Variants in FGF14 observed in about 807,000 individuals in gnomAD.
FGF14 encodes fibroblast growth factor 14.
FGF14 carries 5 observed loss-of-function variants against 25.5 expected under a neutral mutation model. That is an observed-to-expected ratio of 0.20 (90% CI 0.10 to 0.41). The LOEUF (loss-of-function observed/expected upper bound fraction) is 0.41, where lower values mean the gene tolerates loss of function less well. Ranked by LOEUF, FGF14 falls within the 10% of genes least tolerant of loss-of-function variation. The pLI is 1.00. For missense variants in FGF14, 222 were observed against 320.1 expected (o/e 0.69, Z 2.34); for synonymous variants, 138 against 118.3 (o/e 1.17, Z -1.08).
chr13:101,927,021 T>C (rs540857998), intron 1 of FGF14, among the ~76,000 whole-genome samples: 1 of 152,298 alleles, frequency 6.6e-6, no homozygotes, highest in African/African-American at 2.4e-5. Flanking sequence ...TATTTTTAAA[T>C]AAACAAGTTT....
intron 1 of FGF14, among the ~76,000 whole-genome samples, chr13:102,078,606 C>T (rs763314169): frequency 9.2e-5 from 14 of 152,126 alleles, no homozygotes; most frequent in Non-Finnish European, 2.1e-4. Flanking sequence ...GCTTCTCATC[C>T]AACTGCACTA....
At chr13:102,167,884 T>C in intron 1 of FGF14, among the ~76,000 whole-genome samples, 1 of 151,868 alleles carries the variant, frequency 6.6e-6, no homozygotes, top group Non-Finnish European at 1.5e-5. Flanking sequence ...TAATGTAACC[T>C]TTAGGTGATG....
At chr13:102,241,726 C>T (rs2051612173) in intron 1 of FGF14, among the ~76,000 whole-genome samples, 1 of 152,078 alleles carries the variant, frequency 6.6e-6, no homozygotes, top group African/African-American at 2.4e-5. Context: ...GAGCCATCCA[C>T]TTAATGAAGA....
intron 1 of FGF14, among the ~76,000 whole-genome samples, chr13:102,062,210 A>C (rs1329058778): frequency 2.6e-5 from 4 of 152,202 alleles, no homozygotes; most frequent in African/African-American, 9.7e-5. Context: ...AATGCAAATG[A>C]TTTAAACATG....
At chr13:102,239,108 C>A (rs1054174014) in intron 1 of FGF14, among the ~76,000 whole-genome samples, 1 of 151,776 alleles carries the variant, frequency 6.6e-6, no homozygotes, top group Non-Finnish European at 1.5e-5. Context: ...AAACAAAAAA[C>A]GGTAAATGAC....
chr13:101,801,173 C>A (rs760772791), intron 3 of FGF14, among the ~76,000 whole-genome samples: 18 of 152,056 alleles, frequency 1.2e-4, no homozygotes, highest in South Asian at 6.2e-4. Context: ...GTGATTGAAA[C>A]CTGAACAGAA....
chr13:102,222,903 T>G (rs375581007), intron 1 of FGF14, among the ~76,000 whole-genome samples: 15 of 152,116 alleles, frequency 9.9e-5, no homozygotes, highest in African/African-American at 3.6e-4. Flanking sequence ...AGGCCTCCAT[T>G]AACGCAGCCC....
chr13:102,237,951 C>T (rs34563519), intron 1 of FGF14, among the ~76,000 whole-genome samples: 1,603 of 152,182 alleles, frequency 0.011, 14 homozygotes, highest in Non-Finnish European at 0.018. Context: ...CACATATTAC[C>T]TAAATAGTCA....
At chr13:102,213,163 T>C (rs1181599396) in intron 1 of FGF14, among the ~76,000 whole-genome samples, 2 of 152,180 alleles carry the variant, frequency 1.3e-5, no homozygotes, top group Admixed American at 6.5e-5. Flanking sequence ...AATTTCAGGA[T>C]CAGTATACAT....
intron 1 of FGF14, among the ~76,000 whole-genome samples, chr13:101,904,523 T>A (rs1317733693): frequency 1.3e-5 from 2 of 152,200 alleles, no homozygotes; most frequent in Non-Finnish European, 2.9e-5. Context: ...TTTCCTTTTT[T>A]AAAAAGTGAA....
At chr13:101,777,116 T>C (rs1420292535) in intron 3 of FGF14, among the ~76,000 whole-genome samples, 1 of 152,192 alleles carries the variant, frequency 6.6e-6, no homozygotes, top group Non-Finnish European at 1.5e-5. Context: ...GACTGCTTTA[T>C]TCCCCCAAAA....
At chr13:102,095,055 A>AAG (rs2044328096) in intron 1 of FGF14, among the ~76,000 whole-genome samples, 3 of 152,168 alleles carry the variant, frequency 2.0e-5, no homozygotes, top group Non-Finnish European at 4.4e-5. Context: ...ATACCATTGG[A>AAG]GATACCGTCA....
At chr13:101,749,876 C>T (rs1471635198) in intron 3 of FGF14, among the ~76,000 whole-genome samples, 6 of 152,032 alleles carry the variant, frequency 3.9e-5, no homozygotes, top group African/African-American at 1.4e-4. Flanking sequence ...TTGTGTCCCT[C>T]CCCAAAATTA....
chr13:101,898,112 A>G (rs1367535845), intron 1 of FGF14, among the ~76,000 whole-genome samples: 1 of 151,902 alleles, frequency 6.6e-6, no homozygotes, highest in African/African-American at 2.4e-5. Context: ...CCAGGCTGGT[A>G]TTGAACTCCT....
chr13:102,003,893 C>T (rs74108959), intron 1 of FGF14, among the ~76,000 whole-genome samples: 1 of 152,060 alleles, frequency 6.6e-6, no homozygotes, highest in Non-Finnish European at 1.5e-5. Context: ...ATCGAAGACA[C>T]CACTCAGTTA....
At chr13:102,068,719 G>C (rs1356496347) in intron 1 of FGF14, among the ~76,000 whole-genome samples, 1 of 152,196 alleles carries the variant, frequency 6.6e-6, no homozygotes, top group Non-Finnish European at 1.5e-5. Flanking sequence ...GCGGGGCAGG[G>C]CTCGGGACCT....
At chr13:102,135,422 C>T (rs1373717776) in intron 1 of FGF14, among the ~76,000 whole-genome samples, 8 of 152,142 alleles carry the variant, frequency 5.3e-5, no homozygotes, top group African/African-American at 1.2e-4. Context: ...ACAAGCCATA[C>T]GAACAAATAG....
chr13:101,976,462 CT>C (rs1321243536), intron 1 of FGF14, among the ~76,000 whole-genome samples: 1 of 151,988 alleles, frequency 6.6e-6, no homozygotes, highest in African/African-American at 2.4e-5. Context: ...GTAAAACTTA[CT>C]TTTTTTGAAA....
intron 1 of FGF14, among the ~76,000 whole-genome samples, chr13:102,221,744 G>T (rs1228605930): frequency 3.3e-5 from 5 of 152,102 alleles, no homozygotes; most frequent in Non-Finnish European, 7.4e-5. Flanking sequence ...TGCAAATGTA[G>T]AATTACAGTG....
Sources: allele counts gnomAD v4.1 joint callset (sites outside exome capture counted in the v4.1 genomes callset), GRCh38; gene constraint gnomAD v4.1.1; transcripts MANE v1.5; gene names NCBI Gene and HGNC (gene_info 2026-07-23, HGNC 2026-07-21).